INO80D: variants seen among roughly 807,000 people sequenced by gnomAD.
INO80D encodes the protein INO80 complex subunit D.
In INO80D, 21 loss-of-function variants were observed where a neutral mutation model predicts 87.6. That is an observed-to-expected ratio of 0.24 (90% confidence interval 0.17 to 0.35). The LOEUF (loss-of-function observed/expected upper bound fraction) is 0.35. Among genes scored for constraint, INO80D ranks in the 10% least tolerant of loss-of-function variants. The probability of loss-of-function intolerance (pLI) is 1.00; values close to 1 mark genes in which losing one functional copy is unlikely to be tolerated. For synonymous variants in INO80D, 440 were observed against 491.0 expected (o/e 0.90, Z 1.37); for missense variants, 982 against 1,280.7 (o/e 0.77, Z 3.56).
At position 206,056,729 on chromosome 2, in the gene INO80D, T is replaced by C; in HGVS notation, c.433A>G (p.Thr145Ala). Reference sequence around the variant, plus strand: ...AAAGCAAATGGGTCTTCCAATTCGGTTTCCAGGTAGTGGAGAGGGACCCTT... The same window carrying C: ...AAAGCAAATGGGTCTTCCAATTCGGCTTCCAGGTAGTGGAGAGGGACCCTT... Reference protein sequence around the residue: ...GARVPLHYLETELEDPFAFNE... With the variant: ...GARVPLHYLEAELEDPFAFNE... The change falls in exon 4 of 11, where the codon ACC (threonine) becomes GCC (alanine). Residue 145 changes from threonine to alanine, a missense_variant. Coordinates refer to ENST00000403263, the MANE Select transcript of INO80D (RefSeq NM_017759.5). 1 of 1,613,512 alleles carries C rather than the reference T, an allele frequency of 6.2e-7. No homozygotes were observed. The highest frequency in any genetic ancestry group is 8.5e-7 in the Non-Finnish European group (1 of 1,179,704).
rs377728433 is a variant in INO80D at position 206,054,188 on chromosome 2, T to C, written c.964+2010A>G. On this transcript the variant is annotated intron_variant, in intron 4 of 10. Coordinates refer to ENST00000403263, the MANE Select transcript of INO80D (RefSeq NM_017759.5). ...TATAATATTTCTTTTCTTTTCTTTT[T>C]TTTTTTTTTATACAATAGAGACAAG... Among the ~76,000 whole-genome samples, 95 of 151,462 alleles carry C rather than the reference T, an allele frequency of 6.3e-4. No homozygotes were observed. In the South Asian group the frequency reaches 8.1e-3, roughly 13 times the overall value.
Position 206,062,612 on chromosome 2 carries a change from C to T in INO80D, c.218+187G>A, listed in dbSNP as rs1280152545. On this transcript the variant is annotated intron_variant, in intron 3 of 10. Coordinates refer to ENST00000403263, the MANE Select transcript of INO80D (RefSeq NM_017759.5). The surrounding 1 kb of genome is among the most constrained non-coding windows in gnomAD (Gnocchi z 4.6). ...TTATTACTCTATTTTAAAAAATTGC[C>T]ATATTTCATCTTTAAAAGTATTCCA... is the stretch of plus-strand genomic sequence containing the variant. Among the ~76,000 whole-genome samples the T allele has an allele frequency of 6.6e-6, 1 of 152,054 alleles. No individual in the cohort carries two copies. Among genetic ancestry groups the T allele is most frequent in the Non-Finnish European group, 1.5e-5 (1 of 68,018 alleles).
At chr2:206,076,252 C>A (rs573535169) in intron 1 of INO80D, among the ~76,000 whole-genome samples, 87 of 152,156 alleles carry the variant, frequency 5.7e-4, no homozygotes, top group African/African-American at 2.1e-3. Context: ...GTTTGTTTTC[C>A]AATATACTTA....
At chr2:206,027,619 A>G (rs1293508512) in intron 6 of INO80D, among the ~76,000 whole-genome samples, 1 of 152,110 alleles carries the variant, frequency 6.6e-6, no homozygotes, top group African/African-American at 2.4e-5. Flanking sequence ...TGGGAGGGTC[A>G]TTTGAGCCCA....
intron 1 of INO80D, among the ~76,000 whole-genome samples, chr2:206,081,300 C>T (rs1326185597): frequency 6.6e-6 from 1 of 152,158 alleles, no homozygotes; most frequent in Non-Finnish European, 1.5e-5. Context: ...AGAGAAAAAG[C>T]ACACGAAAGT....
At position 206,005,392 on chromosome 2, in the gene INO80D, T is replaced by C. The variant is rs1687998199; in HGVS notation, c.2060A>G (p.Asp687Gly). ...SDGVPVQELSDRGIGVFSTGT... is the reference protein window; with the variant it reads ...SDGVPVQELSGRGIGVFSTGT... ...TGTGGAGAACACCCCTATTCCTCTATCTGACAACTCCTGGACTGGCACACC... is the reference window on the plus strand; with the variant it reads ...TGTGGAGAACACCCCTATTCCTCTACCTGACAACTCCTGGACTGGCACACC... The change falls in exon 11 of 11, where the codon GAT becomes GGT. Residue 687 changes from aspartate to glycine, a missense_variant. Asp to Gly is a moderately conservative substitution (Grantham distance 94, BLOSUM62 -1). Coordinates refer to ENST00000403263, the MANE Select transcript of INO80D (RefSeq NM_017759.5). The C allele has an allele frequency of 1.2e-6, 2 of 1,613,974 alleles. No individual in the cohort carries two copies. The highest frequency in any genetic ancestry group is 2.2e-5 in the East Asian group (1 of 44,880).
At chr2:206,072,459 G>A (rs1024921911) in intron 1 of INO80D, among the ~76,000 whole-genome samples, 4 of 151,914 alleles carry the variant, frequency 2.6e-5, no homozygotes, top group Non-Finnish European at 5.9e-5. Flanking sequence ...TGTATTTTTA[G>A]TAGAGACGGG....
chr2:206,005,209 A>G lies in INO80D; in HGVS notation c.2243T>C (p.Leu748Pro), dbSNP rs550641511. Residue 748 changes from leucine to proline, a missense_variant, in exon 11 of 11, where the codon CTG becomes CCG. Leu to Pro is a moderately conservative substitution (Grantham distance 98). Coordinates refer to ENST00000403263, the MANE Select transcript of INO80D (RefSeq NM_017759.5). ...GAACTGCCCCTGGATCTGCCCTGCCAGGGGTGTAGGTGGGTTTGACAAGGT... is the reference window on the plus strand; with the variant it reads ...GAACTGCCCCTGGATCTGCCCTGCCGGGGGTGTAGGTGGGTTTGACAAGGT... ...SATLSNPPTP[L>P]AGQIQGQFSA... 8 of 1,614,020 alleles carry G rather than the reference A, an allele frequency of 5.0e-6. No individual in the cohort carries two copies. In the East Asian group the frequency reaches 1.8e-4, roughly 36 times the overall value.
intron 8 of INO80D, among the ~76,000 whole-genome samples, chr2:206,015,717 T>A (rs1178026259): frequency 6.6e-6 from 1 of 152,120 alleles, no homozygotes; most frequent in Non-Finnish European, 1.5e-5. Flanking sequence ...AAACCCTGTC[T>A]CTGCTAAAAA....
chr2:206,067,792 A>C (rs1312679299), intron 1 of INO80D, among the ~76,000 whole-genome samples: 1 of 152,182 alleles, frequency 6.6e-6, no homozygotes, highest in African/African-American at 2.4e-5. Flanking sequence ...AACATCAAGA[A>C]AAAAGAGCAA....
chr2:206,057,039 C>A, intron 3 of INO80D, 96 bp from the exon 4 acceptor site: 3 of 1,251,190 alleles, frequency 2.4e-6, no homozygotes, highest in Non-Finnish European at 3.2e-6. Context: ...TTAAAAATTG[C>A]GTCACTATAG....
Position 206,081,768 on chromosome 2 carries a change from AAAAG to A in INO80D, c.-124+4129_-124+4132del, listed in dbSNP as rs56190512. Among the ~76,000 whole-genome samples the A allele has an allele frequency of 5.3e-3, 779 of 147,128 alleles. 3 individuals carry two copies. The highest frequency in any genetic ancestry group is 0.012 in the African/African-American group (494 of 40,464). On this transcript the variant is annotated intron_variant, in intron 1 of 10. Transcript: ENST00000403263. ...TGAGACCCTGTCTCAAAAAAAAAAA[AAAAG>A]AAAGAAAGAAAGAAAGAAAGAAAAG...
Position 206,003,958 on chromosome 2 carries a change from A to G in INO80D, c.*410T>C, listed in dbSNP as rs1454477652. The stretch of plus-strand genomic sequence containing the variant: ...TTGCTGTCTCTTATACAGGAACTCA[A>G]TTAATAAGATCATTCTATCTAGAAC... On this transcript the variant is annotated 3_prime_UTR_variant, in exon 11 of 11. Transcript: ENST00000403263. 5.2e-6 allele frequency: 1 copy of G among 193,942 alleles called. No individual in the cohort carries two copies. The highest frequency in any genetic ancestry group is 1.1e-5 in the Non-Finnish European group (1 of 91,888). The allele number at this position is 193,942 out of a possible 1,614,324, so 12.0% of individuals were successfully genotyped here.
intron 1 of INO80D, among the ~76,000 whole-genome samples, chr2:206,066,608 C>T (rs548886337): frequency 1.3e-5 from 2 of 152,008 alleles, no homozygotes; most frequent in Admixed American, 1.3e-4. Flanking sequence ...GAGTTCAAGA[C>T]CAACACGGCC....
chr2:206,017,870 AT>A, intron 7 of INO80D, 57 bp from the exon 8 acceptor site: 1 of 1,513,024 alleles, frequency 6.6e-7, no homozygotes, highest in Non-Finnish European at 8.9e-7. Context: ...TTCAATTTCT[AT>A]ATAAAATTTG....
rs114401917 is a variant in INO80D, at chr2:206,073,551, G to T, written c.-123-10307C>A. Among the ~76,000 whole-genome samples, 569 of 151,440 alleles carry T rather than the reference G, an allele frequency of 3.8e-3. 3 individuals carry two copies. Among genetic ancestry groups the T allele is most frequent in the African/African-American group, 0.013 (537 of 41,244 alleles). On this transcript the variant is annotated intron_variant, in intron 1 of 10. Transcript: ENST00000403263. ...TTTTTCTGAGACAGGGTCTTGCTCT[G>T]TGGCCAGGCTGGAGTGCAGTGGTAT... is the stretch of plus-strand genomic sequence containing the variant.
At position 206,013,979 on chromosome 2, in the gene INO80D, A is replaced by T. The variant is rs917488895; in HGVS notation, c.1542+3701T>A. On this transcript the variant is annotated intron_variant, in intron 8 of 10. Transcript: ENST00000403263. ...TTCAAGACCAGCCTGGCCAACATGG[A>T]AAAACGCTTTCTCTACTAAAAAAAA... 8.6e-5 allele frequency among the ~76,000 whole-genome samples: 13 copies of T among 151,798 alleles called. No homozygotes were observed. The East Asian group carries it at 2.5e-3, about 29-fold the overall frequency.
intron 4 of INO80D, among the ~76,000 whole-genome samples, chr2:206,054,398 G>C (rs1027459862): frequency 3.3e-5 from 5 of 151,944 alleles, no homozygotes; most frequent in African/African-American, 1.2e-4. Context: ...TTTCTTTGCA[G>C]GTTTTTAATG....
chr2:206,030,711 A>G (rs577452201), intron 5 of INO80D, among the ~76,000 whole-genome samples: 1 of 152,356 alleles, frequency 6.6e-6, no homozygotes, highest in Admixed American at 6.5e-5. Context: ...TAAAGAGTTT[A>G]ACCTTTATTC....
Sources: gnomAD v4.1 joint callset for allele counts (sites outside exome capture counted in the v4.1 genomes callset) on GRCh38, gnomAD v4.1.1 for gene constraint, Gnocchi (gnomAD v3.1) non-coding constraint, MANE v1.5 for transcripts, NCBI Gene and HGNC (gene_info 2026-07-23, HGNC 2026-07-21) for gene names.